The following RNF149 variants were observed in gnomAD, a reference collection of about 807,000 sequenced individuals.
RNF149 encodes E3 ubiquitin-protein ligase RNF149.
Under a neutral mutation model 39.0 loss-of-function variants are expected in RNF149, and 21 were observed. The observed-to-expected ratio is 0.54, with a 90% confidence interval of 0.38 to 0.77. The LOEUF (loss-of-function observed/expected upper bound fraction) is 0.77. Among genes scored for constraint, RNF149 ranks in the 30% least tolerant of loss-of-function variants. The probability of loss-of-function intolerance (pLI) is 0.00; values close to 1 mark genes in which losing one functional copy is unlikely to be tolerated. For synonymous variants in RNF149, 209 were observed against 213.6 expected (o/e 0.98, Z 0.19); for missense variants, 493 against 534.9 (o/e 0.92, Z 0.77).
chr2:101,292,024 GA>G (rs759117587), intron 3 of RNF149, among the ~76,000 whole-genome samples: 7 of 152,150 alleles, frequency 4.6e-5, no homozygotes, highest in Non-Finnish European at 1.0e-4. Flanking sequence ...AACATGCTCA[GA>G]ACACTTACAT....
At chr2:101,292,299 C>A (rs564693168) in intron 3 of RNF149, among the ~76,000 whole-genome samples, 3 of 152,158 alleles carry the variant, frequency 2.0e-5, no homozygotes, top group African/African-American at 7.2e-5. Context: ...GGCTTTTTTG[C>A]AAGGGATCCT....
chr2:101,308,478 C>A lies in RNF149; in HGVS notation c.111G>T (p.Trp37Cys), dbSNP rs1683773320. The change falls in exon 1 of 7, where the codon TGG (tryptophan) becomes TGT (cysteine). Residue 37 changes from tryptophan to cysteine, a missense_variant. Transcript: ENST00000295317. ...ACTCGATGTTTACCACGGCCGAGAA[C>A]CACTCGAGAGCCCGGCCCCGGGCCC... ...VPGARGRALE[W>C]FSAVVNIEYV... The A allele has an allele frequency of 6.2e-7, 1 of 1,611,214 alleles. No individual in the cohort carries two copies. The highest frequency in any genetic ancestry group is 1.3e-5 in the African/African-American group (1 of 74,668).
chr2:101,296,467 TTTAGAG>T (rs1342656778), intron 1 of RNF149, among the ~76,000 whole-genome samples: 85 of 152,274 alleles, frequency 5.6e-4, no homozygotes, highest in South Asian at 1.4e-3. Context: ...TGGACTGGTC[TTTAGAG>T]TTAAAGTAAT....
chr2:101,274,119 T>C (rs1682244450), downstream of RNF149, among the ~76,000 whole-genome samples: 1 of 152,096 alleles, frequency 6.6e-6, no homozygotes, highest in Non-Finnish European at 1.5e-5. Context: ...GGTGATCTTC[T>C]TGCTGATTGC....
rs1480943245 is a variant in RNF149 at position 101,308,180 on chromosome 2, G to A, written c.409C>T (p.Leu137Phe). 5.6e-6 allele frequency: 9 copies of A among 1,610,550 alleles called. No homozygotes were observed. Among genetic ancestry groups the A allele is most frequent in the Non-Finnish European group, 7.6e-6 (9 of 1,179,384 alleles). The change falls in exon 1 of 7, where the codon CTC becomes TTC. Residue 137 changes from leucine to phenylalanine, a missense_variant. By Grantham distance (22) the Leu-to-Phe change is conservative (BLOSUM62 0). Coordinates refer to ENST00000295317, the MANE Select transcript of RNF149 (RefSeq NM_173647.4). ...TTCCCGTAGCGCTCCTCATTGTAGA[G>A]GACGACGGCCGAGGCGTTCCTCCGC... ...AARRNASAVV[L>F]YNEERYGNIT...
chr2:101,295,091 G>C lies in RNF149; in HGVS notation c.551C>G (p.Thr184Ser). 1 of 1,614,118 alleles carries C rather than the reference G, an allele frequency of 6.2e-7. No homozygotes were observed. Among genetic ancestry groups the C allele is most frequent in the Non-Finnish European group, 8.5e-7 (1 of 1,180,026 alleles). Residue 184 changes from threonine (T) to serine (S), a missense_variant, in exon 2 of 7, where the codon ACC becomes AGC. Transcript: ENST00000295317. ...LVQKGIPVTM[T>S]IGVGTRHVQE... is the part of the protein sequence containing the mutation. ...TACATGCCGGGTGCCAACCCCTATG[G>C]TCATCGTTACTGGAATTCCTTTTTG...
At chr2:101,290,035 C>A (rs888545132) in intron 3 of RNF149, among the ~76,000 whole-genome samples, 7 of 152,118 alleles carry the variant, frequency 4.6e-5, no homozygotes, top group East Asian at 3.9e-4. Context: ...CAAAAATTAG[C>A]TGGGTGTGGT....
intron 5 of RNF149, 53 bp downstream of exon 5, chr2:101,286,028 T>C: frequency 9.9e-7 from 1 of 1,009,062 alleles, no homozygotes; most frequent in South Asian, 1.3e-5. Context: ...TGAAACTGAA[T>C]CACTCAGGAA....
chr2:101,305,257 A>G (rs1683611631), intron 1 of RNF149, among the ~76,000 whole-genome samples: 1 of 152,154 alleles, frequency 6.6e-6, no homozygotes, highest in South Asian at 2.1e-4. Flanking sequence ...CACTGACTAA[A>G]TACAGAAACC....
chr2:101,274,474 G>GCT (rs1346419369), downstream of RNF149, among the ~76,000 whole-genome samples: 1 of 152,214 alleles, frequency 6.6e-6, no homozygotes, highest in African/African-American at 2.4e-5. Flanking sequence ...TTTCTCCAGT[G>GCT]CTCAGAGCAT....
At chr2:101,289,258 G>A (rs964400942) in intron 3 of RNF149, among the ~76,000 whole-genome samples, 2 of 152,104 alleles carry the variant, frequency 1.3e-5, no homozygotes, top group South Asian at 2.1e-4. Flanking sequence ...AAATTTCATT[G>A]TTTGCCTGAT....
At chr2:101,307,152 T>C (rs1250705535) in intron 1 of RNF149, among the ~76,000 whole-genome samples, 4 of 152,180 alleles carry the variant, frequency 2.6e-5, no homozygotes, top group Non-Finnish European at 4.4e-5. Context: ...GGGAATGGTA[T>C]GTGTAGGAAG....
intron 1 of RNF149, among the ~76,000 whole-genome samples, chr2:101,306,852 C>T (rs1310947720): frequency 6.6e-6 from 1 of 152,124 alleles, no homozygotes; most frequent in African/African-American, 2.4e-5. Context: ...ACTGTTAGGA[C>T]CTGAACTTGC....
At chr2:101,283,875 A>G (rs1212903281) in intron 5 of RNF149, among the ~76,000 whole-genome samples, 1 of 152,200 alleles carries the variant, frequency 6.6e-6, no homozygotes, top group African/African-American at 2.4e-5. Context: ...AACATCCAGA[A>G]ATGAAAAGCA....
chr2:101,284,349 G>A (rs1183582379), intron 5 of RNF149, among the ~76,000 whole-genome samples: 1 of 152,130 alleles, frequency 6.6e-6, no homozygotes, highest in Non-Finnish European at 1.5e-5. Context: ...GGAGGCTGAG[G>A]CGGGTGGATC....
At chr2:101,307,857 C>G in intron 1 of RNF149, 1 of 985,446 alleles carries the variant, frequency 1.0e-6, no homozygotes. Context: ...GAACCACAAG[C>G]CTCCTTCTGT....
At position 101,307,735 on chromosome 2, in the gene RNF149, G is replaced by A. The variant is rs941860314; in HGVS notation, c.460+394C>T. ...TATGTTGGTGAAGGGACAACCGATC[G>A]TGGGGCGCGCTGGGGGAAGAGTTTG... On this transcript the variant is annotated intron_variant, in intron 1 of 6. Transcript: ENST00000295317. 10 of 790,412 alleles carry A rather than the reference G, an allele frequency of 1.3e-5. No individual in the cohort carries two copies. The Admixed American group carries it at 1.9e-4, about 15-fold the overall frequency. 49.0% of individuals were successfully genotyped at this position (790,412 alleles called of 1,614,324 possible). A position where few individuals can be genotyped will look rare whatever the true frequency, so the allele number is the denominator to read the frequency against.
intron 3 of RNF149, among the ~76,000 whole-genome samples, chr2:101,293,365 G>A (rs1683094020): frequency 6.6e-6 from 1 of 152,116 alleles, no homozygotes; most frequent in African/African-American, 2.4e-5. Flanking sequence ...ACATTTCAGA[G>A]CGCACCAGAA....
intron 1 of RNF149, among the ~76,000 whole-genome samples, chr2:101,306,271 A>G (rs909196921): frequency 1.3e-5 from 2 of 152,334 alleles, no homozygotes; most frequent in East Asian, 3.9e-4. Flanking sequence ...AGACGGGTGT[A>G]TAAGAACCCA....
Sources: allele counts gnomAD v4.1 joint callset (sites outside exome capture counted in the v4.1 genomes callset), GRCh38; gene constraint gnomAD v4.1.1; transcripts MANE v1.5; gene names NCBI Gene and HGNC (gene_info 2026-07-23, HGNC 2026-07-21).